The following ARHGEF7 variants were observed in gnomAD, a reference collection of about 807,000 sequenced individuals.
ARHGEF7 encodes Rho guanine nucleotide exchange factor 7.
ARHGEF7 carries 33 observed loss-of-function variants against 109.8 expected under a neutral mutation model. That is an observed-to-expected ratio of 0.30 (90% CI 0.23 to 0.40). The LOEUF (loss-of-function observed/expected upper bound fraction) is 0.40. Ranked by LOEUF, ARHGEF7 falls within the 10% of genes least tolerant of loss-of-function variation. ARHGEF7 has a pLI of 1.00. For synonymous variants in ARHGEF7, 458 were observed against 424.6 expected (o/e 1.08, Z -0.97); for missense variants, 938 against 1,098.5 (o/e 0.85, Z 2.07).
chr13:111,117,691 T>TTCTC (rs919988936), intron 1 of ARHGEF7, among the ~76,000 whole-genome samples: 2 of 151,086 alleles, frequency 1.3e-5, no homozygotes, highest in Admixed American at 6.6e-5. Context: ...CTTTCTTTCT[T>TTCTC]TCTCTCTCTC....
At chr13:111,209,260 G>A (rs4771735) in intron 3 of ARHGEF7, 68,841 of 151,934 alleles carry the variant, frequency 0.45, 16,363 homozygotes, top group South Asian at 0.56. Context: ...GATGGCCTGT[G>A]TGGAGTGTCT....
chr13:111,115,897 G>GGGGGGT (rs1566577606), intron 1 of ARHGEF7, among the ~76,000 whole-genome samples: 2 of 150,348 alleles, frequency 1.3e-5, no homozygotes, highest in African/African-American at 2.4e-5. Flanking sequence ...GGGCCGGGGA[G>GGGGGGT]CGGGGTCGGG....
At chr13:111,198,514 G>A (rs192839264) in intron 2 of ARHGEF7, among the ~76,000 whole-genome samples, 2 of 152,206 alleles carry the variant, frequency 1.3e-5, no homozygotes, top group East Asian at 1.9e-4. Context: ...TTGTGGTCTC[G>A]CTGACTTCAG....
At chr13:111,295,994 C>T (rs1259392237) in intron 19 of ARHGEF7, among the ~76,000 whole-genome samples, 1 of 152,190 alleles carries the variant, frequency 6.6e-6, no homozygotes, top group South Asian at 2.1e-4. Context: ...GCATGCACAC[C>T]ACACTGGTGC....
At chr13:111,289,408 G>A (rs542166959) in intron 18 of ARHGEF7, among the ~76,000 whole-genome samples, 24 of 152,210 alleles carry the variant, frequency 1.6e-4, no homozygotes, top group Non-Finnish European at 2.6e-4. Context: ...GGCTGATGCA[G>A]CGTGCCTGTC....
intron 2 of ARHGEF7, among the ~76,000 whole-genome samples, chr13:111,202,607 C>G (rs2081330789): frequency 1.3e-5 from 2 of 152,210 alleles, no homozygotes; most frequent in African/African-American, 4.8e-5. Context: ...CCGTCTAAGA[C>G]ACTTGTTTTA....
chr13:111,250,744 C>T (rs1022619425), intron 8 of ARHGEF7, among the ~76,000 whole-genome samples: 1 of 152,170 alleles, frequency 6.6e-6, no homozygotes, highest in African/African-American at 2.4e-5. Flanking sequence ...CCATGACTCC[C>T]TTCAGGTTTG....
chr13:111,291,447 AAG>A (rs1555404741), intron 18 of ARHGEF7, among the ~76,000 whole-genome samples: 6 of 152,248 alleles, frequency 3.9e-5, no homozygotes, highest in African/African-American at 1.4e-4. Context: ...CCTGCGGGCT[AAG>A]CTCCAGCGCG....
At chr13:111,269,802 A>AC (rs2091987902) in intron 9 of ARHGEF7, among the ~76,000 whole-genome samples, 1 of 152,038 alleles carries the variant, frequency 6.6e-6, no homozygotes, top group Admixed American at 6.6e-5. Flanking sequence ...ATTCCTCCCC[A>AC]CCCCAAAGAC....
chr13:111,217,545 A>C, intron 4 of ARHGEF7, 134 bp from the exon 5 acceptor site: 1 of 817,766 alleles, frequency 1.2e-6, no homozygotes, highest in Middle Eastern at 3.3e-4. Context: ...GAAGGGAGGA[A>C]ACTGAAATTT....
chr13:111,228,064 A>G lies in ARHGEF7; in HGVS notation c.671-5141A>G, dbSNP rs145661472. On this transcript the variant is annotated intron_variant, in intron 5 of 21. Transcript: ENST00000646102. This position sits in a 1 kb window ranked among gnomAD's most constrained non-coding sequence, Gnocchi z 4.6. Reference sequence around the variant, plus strand: ...AACCAAGAGTGTCTTCCCAGAAGTTATGAAGCACATCTGAGGTGTCCTGCA... The same window carrying G: ...AACCAAGAGTGTCTTCCCAGAAGTTGTGAAGCACATCTGAGGTGTCCTGCA... 5.3e-5 allele frequency among the ~76,000 whole-genome samples: 8 copies of G among 152,218 alleles called. No individual in the cohort carries two copies. Among genetic ancestry groups the G allele is most frequent in the African/African-American group, 1.9e-4 (8 of 41,464 alleles).
In ARHGEF7 at chr13:111,205,228, A is replaced by G. The variant is rs2081668261; in HGVS notation, c.253-61A>G. The stretch of plus-strand genomic sequence containing the variant: ...CATCGTCGCGTTGCTGGGAGAACTT[A>G]GTTCATCCTGCACCCAACATAAGAC... On this transcript the variant is annotated intron_variant, in intron 2 of 21. Coordinates refer to ENST00000646102, the MANE Select transcript of ARHGEF7 (RefSeq NM_001354046.2). 3 of 1,338,810 alleles carry G rather than the reference A, an allele frequency of 2.2e-6. No individual in the cohort carries two copies. In the African/African-American group the frequency reaches 4.5e-5, roughly 20 times the overall value. The allele number at this position is 1,338,810 out of a possible 1,614,324, so 82.9% of individuals were successfully genotyped here.
At chr13:111,198,887 G>C (rs1272326218) in intron 2 of ARHGEF7, among the ~76,000 whole-genome samples, 2 of 146,318 alleles carry the variant, frequency 1.4e-5, no homozygotes, top group East Asian at 3.9e-4. Context: ...GCTAGACACA[G>C]AGCTCTGATT....
Position 111,131,299 on chromosome 13 carries a change from T to C in ARHGEF7, c.165+15608T>C, listed in dbSNP as rs559206103. Among the ~76,000 whole-genome samples the C allele has an allele frequency of 7.8e-4, 118 of 152,006 alleles. No individual in the cohort carries two copies. The highest frequency in any genetic ancestry group is 2.8e-3 in the African/African-American group (114 of 41,454). ...GCAGACAGGGGGACAGTGATTTGGG[T>C]GACTCCTGGGTTTCTGGTTGCACAA... On this transcript the variant is annotated intron_variant, in intron 1 of 21. Transcript: ENST00000646102. This position sits in a 1 kb window ranked among gnomAD's most constrained non-coding sequence, Gnocchi z 4.4.
At chr13:111,193,347 A>G (rs531841585) in intron 2 of ARHGEF7, among the ~76,000 whole-genome samples, 12 of 152,200 alleles carry the variant, frequency 7.9e-5, no homozygotes, top group Non-Finnish European at 1.0e-4. Context: ...CCTGGCAGCA[A>G]TTTTGGCCTC....
chr13:111,293,849 A>T, intron 19 of ARHGEF7: 1 of 985,430 alleles, frequency 1.0e-6, no homozygotes, highest in African/African-American at 1.7e-5. Flanking sequence ...CTGATGCAGT[A>T]TCAGTCTTGT....
chr13:111,135,317 T>C (rs1311827175), intron 1 of ARHGEF7, among the ~76,000 whole-genome samples: 1 of 152,144 alleles, frequency 6.6e-6, no homozygotes, highest in Non-Finnish European at 1.5e-5. Context: ...TTTAAAGTAG[T>C]TTTTTCCAAT....
intron 19 of ARHGEF7, among the ~76,000 whole-genome samples, chr13:111,299,766 G>A (rs2093519527): frequency 6.6e-6 from 1 of 152,134 alleles, no homozygotes; most frequent in Non-Finnish European, 1.5e-5. Context: ...ACAAGCAAAA[G>A]GCGGGCCAGA....
At chr13:111,221,450 TATATAGATATATAGAC>T (rs2084170615) in intron 5 of ARHGEF7, among the ~76,000 whole-genome samples, 2 of 97,100 alleles carry the variant, frequency 2.1e-5, no homozygotes, top group Non-Finnish European at 3.9e-5. Context: ...TATATCTATA[TATATAGATATATAGAC>T]ATCTATATAT....
Sources: gnomAD v4.1 joint callset for allele counts (sites outside exome capture counted in the v4.1 genomes callset) on GRCh38, gnomAD v4.1.1 for gene constraint, Gnocchi (gnomAD v3.1) non-coding constraint, MANE v1.5 for transcripts, NCBI Gene and HGNC (gene_info 2026-07-23, HGNC 2026-07-21) for gene names.